The following TTN variants were observed in gnomAD, a reference collection of about 807,000 sequenced individuals.
TTN encodes titin, also known as connectin.
In TTN, 1,525 loss-of-function variants were observed where a neutral mutation model predicts 3,223.0. The ratio of observed to expected loss-of-function variants is 0.47; its 90% CI spans 0.45 to 0.49. The LOEUF is 0.49. Ranked by LOEUF, TTN falls within the 20% of genes least tolerant of loss-of-function variation. The pLI is 0.00. For missense variants in TTN, 40,786 were observed against 43,424.0 expected (o/e 0.94, Z 5.40); for synonymous variants, 14,094 against 15,161.0 (o/e 0.93, Z 5.17).
In TTN at chr2:178,790,012, G is replaced by A; in HGVS notation, c.1904C>T (p.Thr635Ile). ...AGTTATTTGCACTTGTTCTCTTTTG[G>A]TAGTAATGCCTTCTCTACCTCTTGA... ...LVSRGREGIT[T>I]KREQVQITQE... The change falls in exon 12 of 363, where the codon ACC (threonine) becomes ATC (isoleucine). Residue 635 changes from threonine to isoleucine, a missense_variant. By Grantham distance (89) the Thr-to-Ile change is moderately conservative. Coordinates refer to ENST00000589042, the MANE Select transcript of TTN (RefSeq NM_001267550.2). 4 of 1,613,040 alleles carry A rather than the reference G, an allele frequency of 2.5e-6. No homozygotes were observed. The highest frequency in any genetic ancestry group is 4.5e-5 in the East Asian group (2 of 44,698).
rs369870182 is a variant in TTN at position 178,530,002 on chromosome 2, A to C, written c.106489T>G (p.Ser35497Ala). ...SGLYTCTVKN[S>A]AGSVSSSCKL... ...CAGCTAGAGGACACAGATCCAGCTG[A>C]ATTTTTTACTGTACAAGTATAAAGT... The change falls in exon 359 of 363, where the codon TCA (serine) becomes GCA (alanine). Residue 35497 changes from serine to alanine, a missense_variant. By Grantham distance (99) the Ser-to-Ala change is moderately conservative. Coordinates refer to ENST00000589042, the MANE Select transcript of TTN (RefSeq NM_001267550.2). 2.6e-5 allele frequency: 42 copies of C among 1,603,434 alleles called. No individual in the cohort carries two copies. Among genetic ancestry groups the C allele is most frequent in the Non-Finnish European group, 3.5e-5 (41 of 1,177,542 alleles).
At position 178,710,823 on chromosome 2, in the gene TTN, G is replaced by A. The variant is rs755720364; in HGVS notation, c.28274C>T (p.Pro9425Leu). ...GTCTTTGGCCCAGCTGACCTTTATC[G>A]GTTGTGTGCCCGTGACGTGGCACTC... Reference protein sequence around the residue: ...DFECHVTGTQPIKVSWAKDSR... With the variant: ...DFECHVTGTQLIKVSWAKDSR... Residue 9425 changes from proline to leucine, a missense_variant, in exon 98 of 363, where the codon CCG (proline) becomes CTG (leucine). Transcript: ENST00000589042. The A allele has an allele frequency of 4.3e-6, 7 of 1,613,690 alleles. No homozygotes were observed. Among genetic ancestry groups the A allele is most frequent in the Admixed American group, 1.7e-5 (1 of 59,974 alleles).
Position 178,631,146 on chromosome 2 carries a change from C to T in TTN, c.43902G>A (p.Lys14634=), listed in dbSNP as rs763794623. The T allele has an allele frequency of 1.2e-6, 2 of 1,613,306 alleles. No homozygotes were observed. Among genetic ancestry groups the T allele is most frequent in the South Asian group, 2.2e-5 (2 of 91,068 alleles). ...EIKPSKNAVI[K]ADGKKRMLIL... The stretch of plus-strand genomic sequence containing the variant: ...TTAGCATGCGTTTCTTGCCATCTGC[C>T]TTAATAACAGCATTTTTGGATGGCT... Residue 14634 remains lysine, a synonymous_variant, in exon 237 of 363, where the codon AAG becomes AAA. Transcript: ENST00000589042.
Position 178,558,651 on chromosome 2 carries a change from G to A in TTN, c.86822-14C>T, listed in dbSNP as rs1290944559. Reference sequence around the variant, plus strand: ...GGCTTGGTTTTTCTAAGAAAACAAAGCATCAAAAGAAAGTGAATAATTATT... The same window carrying A: ...GGCTTGGTTTTTCTAAGAAAACAAAACATCAAAAGAAAGTGAATAATTATT... On this transcript the variant is annotated splice_polypyrimidine_tract_variant and intron_variant, in intron 326 of 362. Coordinates refer to ENST00000589042, the MANE Select transcript of TTN (RefSeq NM_001267550.2). 4 of 1,605,930 alleles carry A rather than the reference G, an allele frequency of 2.5e-6. No individual in the cohort carries two copies. The Admixed American group carries it at 6.8e-5, about 27-fold the overall frequency.
Position 178,573,370 on chromosome 2 carries a change from G to A in TTN, c.72762C>T (p.Ile24254=), listed in dbSNP as rs564820165. The change falls in exon 326 of 363, where the codon ATC becomes ATT. Residue 24254 remains isoleucine (I), a synonymous_variant. Coordinates refer to ENST00000589042, the MANE Select transcript of TTN (RefSeq NM_001267550.2). ...CACGCCGTTCCACAATATAATTGAT[G>A]ATTTCACTTCCACCATCAGAATCAG... ...GHPDSDGGSE[I]INYIVERRDK... 1.3e-6 allele frequency: 2 copies of A among 1,524,594 alleles called. No individual in the cohort carries two copies. Among genetic ancestry groups the A allele is most frequent in the Admixed American group, 4.3e-5 (2 of 46,244 alleles). 94.4% of individuals were successfully genotyped at this position (1,524,594 alleles called of 1,614,324 possible).
In TTN at chr2:178,575,141, G is replaced by A. The variant is rs774999533; in HGVS notation, c.70991C>T (p.Thr23664Ile). 2.5e-6 allele frequency: 4 copies of A among 1,612,728 alleles called. No homozygotes were observed. Among genetic ancestry groups the A allele is most frequent in the South Asian group, 2.2e-5 (2 of 90,988 alleles). Residue 23664 changes from threonine to isoleucine, a missense_variant, in exon 326 of 363, where the codon ACA becomes ATA. Transcript: ENST00000589042. This position sits in a 1 kb window ranked among gnomAD's most constrained non-coding sequence, Gnocchi z 4.0. Reference sequence around the variant, plus strand: ...TTGGTCTCCTTTTTTCCATGTCACTGTGGGCTTCGGTCGACCGAGCACTGG... The same window carrying A: ...TTGGTCTCCTTTTTTCCATGTCACTATGGGCTTCGGTCGACCGAGCACTGG... ...EIPVLGRPKPTVTWKKGDQIL... is the reference protein window; with the variant it reads ...EIPVLGRPKPIVTWKKGDQIL...
chr2:178,587,450 C>T (rs758913599), intron 306 of TTN, 33 bp from the exon 307 acceptor site: 2 of 1,603,164 alleles, frequency 1.2e-6, no homozygotes, highest in Non-Finnish European at 1.7e-6. Context: ...ATATACATGT[C>T]TCCTCAGCAT....
chr2:178,793,572 C>T (rs1414057567), intron 8 of TTN, 31 bp from the exon 9 acceptor site: 1 of 1,611,016 alleles, frequency 6.2e-7, no homozygotes, highest in Non-Finnish European at 8.5e-7. Context: ...AAGAAAACAC[C>T]TTAATGCATC....
At chr2:178,527,397 C>T (rs1320295795) in intron 362 of TTN, 49 bp downstream of exon 362, 2 of 1,592,492 alleles carry the variant, frequency 1.3e-6, no homozygotes, top group South Asian at 1.1e-5. Context: ...CTAAAGACTA[C>T]ACCATGTTAC....
In TTN at chr2:178,571,902, T is replaced by TAG; in HGVS notation, c.74228_74229dup (p.Thr24744LeufsTer5). On this transcript the variant is annotated frameshift_variant, in exon 326 of 363. Transcript: ENST00000589042. LOFTEE classifies it high-confidence loss of function. ...TCTTTATGCCAGGTTACAGCTGGGG[T>TAG]AGGGCGGCCAATGAATGGAACATCA... 6.2e-7 allele frequency: 1 copy of TAG among 1,613,338 alleles called. No individual in the cohort carries two copies. Among genetic ancestry groups the TAG allele is most frequent in the Non-Finnish European group, 8.5e-7 (1 of 1,179,570 alleles).
intron 68 of TTN, 92 bp downstream of exon 68, chr2:178,727,490 ATAC>A: frequency 6.6e-7 from 1 of 1,505,690 alleles, no homozygotes. Flanking sequence ...GTTAGAAAGA[ATAC>A]TACTTTCTTG....
At position 178,679,951 on chromosome 2, in the gene TTN, G is replaced by T; in HGVS notation, c.33523C>A (p.His11175Asn). The T allele has an allele frequency of 1.2e-6, 2 of 1,613,058 alleles. No individual in the cohort carries two copies. Among genetic ancestry groups the T allele is most frequent in the East Asian group, 2.2e-5 (1 of 44,856 alleles). The change falls in exon 140 of 363, where the codon CAT becomes AAT. Residue 11175 changes from histidine (H) to asparagine (N), a missense_variant. His to Asn is a moderately conservative substitution (Grantham distance 68). Coordinates refer to ENST00000589042, the MANE Select transcript of TTN (RefSeq NM_001267550.2). ...TCAGTTATGAACTCCTCTTCTTCAT[G>T]AATGTACTCTTCTTCTTCTTCTACA... ...YLVEEEEEYI[H>N]EEEEFITEEE... is the part of the protein sequence containing the mutation.
At chr2:178,632,097 A>C (rs1183554421) in intron 236 of TTN, 50 bp downstream of exon 236, 2 of 1,494,954 alleles carry the variant, frequency 1.3e-6, no homozygotes, top group Non-Finnish European at 1.8e-6. Context: ...ATACTCCACA[A>C]ATTTCTGTTG....
At chr2:178,765,214 G>C (rs910140596) in intron 41 of TTN, among the ~76,000 whole-genome samples, 3 of 152,094 alleles carry the variant, frequency 2.0e-5, no homozygotes, top group Admixed American at 6.6e-5. Flanking sequence ...TATCATTCCA[G>C]TTTGTTTGTT....
At chr2:178,650,884 A>G in intron 208 of TTN, 50 bp from the exon 209 acceptor site, 1 of 1,524,096 alleles carries the variant, frequency 6.6e-7, no homozygotes, top group South Asian at 1.2e-5. Flanking sequence ...GAAGTATATT[A>G]AATTTATACC....
rs1057524151 is a variant in TTN, at chr2:178,712,574, C to T, written c.27348G>A (p.Lys9116=). 2 of 1,612,466 alleles carry T rather than the reference C, an allele frequency of 1.2e-6. No homozygotes were observed. Among genetic ancestry groups the T allele is most frequent in the East Asian group, 2.2e-5 (1 of 44,830 alleles). ...LYIKAPAKFV[K]RLNDYSIEKG... ...TCTCTATGCTGTAATCATTCAGCCT[C>T]TTCACAAATTTGGCTGGGGCTAAAG... The change falls in exon 95 of 363, where the codon AAG becomes AAA. Residue 9116 remains lysine (K), a synonymous_variant. Transcript: ENST00000589042.
intron 270 of TTN, among the ~76,000 whole-genome samples, chr2:178,610,712 G>A (rs1036284972): frequency 3.3e-5 from 5 of 151,944 alleles, no homozygotes; most frequent in South Asian, 2.1e-4. Flanking sequence ...TTAAAAAATT[G>A]TGGTCATTTC....
chr2:178,533,313 A>G lies in TTN; in HGVS notation c.103302T>C (p.Tyr34434=), dbSNP rs773408387. ...RDTLPEDTGY[Y]RVTATNTAGS... is the part of the protein sequence containing the mutation. ...CAGCTGTGTTAGTGGCTGTGACTCT[A>G]TAATAACCCGTGTCTTCAGGCAAAG... is the stretch of plus-strand genomic sequence containing the variant. The change falls in exon 358 of 363, where the codon TAT becomes TAC. Residue 34434 remains tyrosine (Y), a synonymous_variant. Transcript: ENST00000589042. 2.7e-5 allele frequency: 44 copies of G among 1,613,910 alleles called. No homozygotes were observed. Among genetic ancestry groups the G allele is most frequent in the Middle Eastern group, 3.3e-4 (2 of 6,062 alleles).
rs757811601 is a variant in TTN at position 178,745,721 on chromosome 2, G to C, written c.11312-3800C>G. On this transcript the variant is annotated intron_variant, in intron 47 of 362. Coordinates refer to ENST00000589042, the MANE Select transcript of TTN (RefSeq NM_001267550.2). The stretch of plus-strand genomic sequence containing the variant: ...GAACCCTGTGCCACTTTCCTCAACA[G>C]TGAACCTTCTTCCTTGGACTAATTT... 5 of 1,612,430 alleles carry C rather than the reference G, an allele frequency of 3.1e-6. No homozygotes were observed. In the East Asian group the frequency reaches 1.1e-4, roughly 36 times the overall value.
Sources: gnomAD v4.1 joint callset for allele counts (sites outside exome capture counted in the v4.1 genomes callset) on GRCh38, gnomAD v4.1.1 for gene constraint, Gnocchi (gnomAD v3.1) non-coding constraint, MANE v1.5 for transcripts, NCBI Gene and HGNC (gene_info 2026-07-23, HGNC 2026-07-21) for gene names.